The following PHACTR2 variants were observed in gnomAD, a reference collection of about 807,000 sequenced individuals.
The protein encoded by PHACTR2 is chromosome 6 open reading frame 56.
In PHACTR2, 30 loss-of-function variants were observed where a neutral mutation model predicts 76.0. That is an observed-to-expected ratio of 0.39 (90% CI 0.30 to 0.54). The LOEUF is 0.54. PHACTR2 is among the 20% of genes least tolerant of loss of function. The probability of loss-of-function intolerance (pLI) is 0.61; values close to 1 mark genes in which losing one functional copy is unlikely to be tolerated. For synonymous variants in PHACTR2, 292 were observed against 292.5 expected, an observed-to-expected ratio of 1.00 and a Z score of 0.02; for missense variants, 696 against 781.1, an observed-to-expected ratio of 0.89 and a Z score of 1.30.
In PHACTR2 at chr6:143,554,636, G is replaced by T. The variant is rs1345739852; in HGVS notation, c.217+17429G>T. 1 of 152,178 alleles carries T rather than the reference G, an allele frequency of 6.6e-6. No homozygotes were observed. The highest frequency in any genetic ancestry group is 1.5e-5 in the Non-Finnish European group (1 of 68,030). The allele number at this position is 152,178 out of a possible 1,614,324, so 9.4% of individuals were successfully genotyped here. A position where few individuals can be genotyped will look rare whatever the true frequency, so the allele number is the denominator to read the frequency against. Reference sequence around the variant, plus strand: ...ACTCGATTGAGGGTGGGAGTTCTCGGTAAACCAATTTAGCAGGGCTTTTGT... The same window carrying T: ...ACTCGATTGAGGGTGGGAGTTCTCGTTAAACCAATTTAGCAGGGCTTTTGT... On this transcript the variant is annotated intron_variant, in intron 1 of 11. Coordinates refer to the PHACTR2 transcript ENST00000367584. The surrounding 1 kb of genome is among the most constrained non-coding windows in gnomAD (Gnocchi z 5.9).
In PHACTR2 at chr6:143,700,705, AT is replaced by A. The variant is rs1219453276; in HGVS notation, c.47-11310del. 6.6e-6 allele frequency among the ~76,000 whole-genome samples: 1 copy of A among 152,232 alleles called. No individual in the cohort carries two copies. Among genetic ancestry groups the A allele is most frequent in the East Asian group, 1.9e-4 (1 of 5,202 alleles). On this transcript the variant is annotated intron_variant, in intron 1 of 12. Transcript: ENST00000440869. The surrounding 1 kb of genome is among the most constrained non-coding windows in gnomAD (Gnocchi z 4.1). ...TGAACAGGGTGATCATTATCCTATC[AT>A]GGATGAGTTGAAATTCTTTCACTTG...
In PHACTR2 at chr6:143,738,762, A is replaced by AAAAGAAAGAAAG. The variant is rs563556097; in HGVS notation, c.215-10211_215-10200dup. Among the ~76,000 whole-genome samples, 1 of 152,128 alleles carries AAAAGAAAGAAAG rather than the reference A, an allele frequency of 6.6e-6. No individual in the cohort carries two copies. The highest frequency in any genetic ancestry group is 2.4e-5 in the African/African-American group (1 of 41,436). On this transcript the variant is annotated intron_variant, in intron 2 of 12. Coordinates refer to ENST00000440869, the MANE Select transcript of PHACTR2 (RefSeq NM_001100164.2). This position sits in a 1 kb window ranked among gnomAD's most constrained non-coding sequence, Gnocchi z 4.0. ...TAGAGCAGGACCTTGTCTCAAAAAA[A>AAAAGAAAGAAAG]AAAGAAAGAAAGAAAGAAAGAAAAT...
rs910799632 is a variant in PHACTR2 at position 143,596,872 on chromosome 6, G to A, written c.217+59665G>A. Among the ~76,000 whole-genome samples, 5 of 152,086 alleles carry A rather than the reference G, an allele frequency of 3.3e-5. No homozygotes were observed. Among genetic ancestry groups the A allele is most frequent in the African/African-American group, 1.2e-4 (5 of 41,406 alleles). ...AAAAATAAAAATAAAAAGAATCATG[G>A]CGTCCAACTCTGGGGCTGTTGCTAG... On this transcript the variant is annotated intron_variant, in intron 1 of 11. Transcript: ENST00000367584. This position sits in a 1 kb window ranked among gnomAD's most constrained non-coding sequence, Gnocchi z 4.6.
intron 1 of PHACTR2, among the ~76,000 whole-genome samples, chr6:143,642,121 G>A (rs1776575417): frequency 1.3e-5 from 2 of 152,122 alleles, no homozygotes; most frequent in Non-Finnish European, 1.5e-5. Flanking sequence ...AACCCTAGAT[G>A]AGGTCAGGAT....
intron 1 of PHACTR2, among the ~76,000 whole-genome samples, chr6:143,544,773 G>C (rs540889751): frequency 1.3e-4 from 20 of 152,158 alleles, no homozygotes; most frequent in East Asian, 5.8e-4. Flanking sequence ...GTACACACTA[G>C]GTGCTCAGTA....
At chr6:143,640,209 A>G (rs1184043429) in intron 1 of PHACTR2, among the ~76,000 whole-genome samples, 2 of 152,232 alleles carry the variant, frequency 1.3e-5, no homozygotes, top group Non-Finnish European at 2.9e-5. Context: ...TAATGACAAC[A>G]AATGTCTATG....
intron 10 of PHACTR2, among the ~76,000 whole-genome samples, chr6:143,786,164 C>A (rs1346530050): frequency 6.6e-6 from 1 of 152,188 alleles, no homozygotes; most frequent in Non-Finnish European, 1.5e-5. Flanking sequence ...ACCCAAGTCA[C>A]CTTTTGAATG....
intron 2 of PHACTR2, among the ~76,000 whole-genome samples, chr6:143,721,698 G>A (rs1032995349): frequency 6.6e-6 from 1 of 151,854 alleles, no homozygotes; most frequent in Non-Finnish European, 1.5e-5. Context: ...ATTGTTACAT[G>A]ATCATCCTTC....
intron 4 of PHACTR2, among the ~76,000 whole-genome samples, chr6:143,759,347 C>T (rs1232712462): frequency 2.6e-5 from 4 of 152,024 alleles, no homozygotes; most frequent in African/African-American, 9.7e-5. Flanking sequence ...CTAGATGTAC[C>T]TATAGTTGTG....
At chr6:143,593,026 G>A (rs888628292) in intron 1 of PHACTR2, among the ~76,000 whole-genome samples, 1 of 131,178 alleles carries the variant, frequency 7.6e-6, no homozygotes, top group Non-Finnish European at 1.5e-5. Flanking sequence ...CGGCCTGGGT[G>A]ACAGAGCAAG....
At position 143,592,071 on chromosome 6, in the gene PHACTR2, G is replaced by T. The variant is rs1260842733; in HGVS notation, c.217+54864G>T. ...GACACAATGGGACAGACCTGGTGGT[G>T]CTCTGAGGAGTGGGTGCTTCAGGCC... On this transcript the variant is annotated intron_variant, in intron 1 of 11. Coordinates refer to the PHACTR2 transcript ENST00000367584. The surrounding 1 kb of genome is among the most constrained non-coding windows in gnomAD (Gnocchi z 4.0). Among the ~76,000 whole-genome samples the T allele has an allele frequency of 2.6e-5, 4 of 152,196 alleles. No individual in the cohort carries two copies. Among genetic ancestry groups the T allele is most frequent in the Non-Finnish European group, 5.9e-5 (4 of 68,022 alleles).
Position 143,808,619 on chromosome 6 carries a change from A to C in PHACTR2, c.1922+1486A>C, listed in dbSNP as rs193128660. On this transcript the variant is annotated intron_variant, in intron 12 of 12. Transcript: ENST00000440869. The stretch of plus-strand genomic sequence containing the variant: ...GTATGTAAATTCTACACCATTTTCT[A>C]TCAGGGACTTGAGGAATCCATGGAT... Among the ~76,000 whole-genome samples the C allele has an allele frequency of 8.0e-3, 1,218 of 152,280 alleles. 7 individuals carry two copies. The highest frequency in any genetic ancestry group is 0.013 in the Non-Finnish European group (900 of 68,022).
At chr6:143,779,922 A>ATAT (rs1463072649) in intron 9 of PHACTR2, among the ~76,000 whole-genome samples, 1 of 139,964 alleles carries the variant, frequency 7.1e-6, no homozygotes, top group Non-Finnish European at 1.6e-5. Context: ...ATATTATATT[A>ATAT]TATTATATTA....
At chr6:143,788,982 C>T in intron 11 of PHACTR2, 72 bp downstream of exon 11, 1 of 1,388,482 alleles carries the variant, frequency 7.2e-7, no homozygotes, top group Admixed American at 1.7e-5. Context: ...ATCCCCCCTA[C>T]TTAAGTCATC....
In PHACTR2 at chr6:143,764,342, A is replaced by T. The variant is rs1779505425; in HGVS notation, c.695-919A>T. Among the ~76,000 whole-genome samples, 1 of 152,030 alleles carries T rather than the reference A, an allele frequency of 6.6e-6. No individual in the cohort carries two copies. Among genetic ancestry groups the T allele is most frequent in the Non-Finnish European group, 1.5e-5 (1 of 67,998 alleles). ...CAAGACCAGCCTGGGCAACATGACA[A>T]AACCCTGTCTCAACAAAAATACATT... On this transcript the variant is annotated intron_variant, in intron 5 of 12. Coordinates refer to ENST00000440869, the MANE Select transcript of PHACTR2 (RefSeq NM_001100164.2). This position sits in a 1 kb window ranked among gnomAD's most constrained non-coding sequence, Gnocchi z 4.7.
rs1007194937 is a variant in PHACTR2 at position 143,549,018 on chromosome 6, G to A, written c.217+11811G>A. On this transcript the variant is annotated intron_variant, in intron 1 of 11. Transcript: ENST00000367584. This position sits in a 1 kb window ranked among gnomAD's most constrained non-coding sequence, Gnocchi z 4.2. ...GGCTTGAGGAGTATAAAGAGTACAG[G>A]GAAGAAGGCTTGGCCATGAAGACAG... Among the ~76,000 whole-genome samples the A allele has an allele frequency of 1.3e-5, 2 of 151,854 alleles. No individual in the cohort carries two copies. Among genetic ancestry groups the A allele is most frequent in the African/African-American group, 4.8e-5 (2 of 41,364 alleles).
In PHACTR2 at chr6:143,548,779, T is replaced by G. The variant is rs1775044627; in HGVS notation, c.217+11572T>G. On this transcript the variant is annotated intron_variant, in intron 1 of 11. Transcript: ENST00000367584. This position sits in a 1 kb window ranked among gnomAD's most constrained non-coding sequence, Gnocchi z 4.5. ...GTCACAGAGAAAAGCCTAATGTCTTTTAGGTAAGAAAGAAAGGAAAGAGTA... is the reference window on the plus strand; with the variant it reads ...GTCACAGAGAAAAGCCTAATGTCTTGTAGGTAAGAAAGAAAGGAAAGAGTA... Among the ~76,000 whole-genome samples the G allele has an allele frequency of 6.6e-6, 1 of 151,974 alleles. No homozygotes were observed.
intron 9 of PHACTR2, among the ~76,000 whole-genome samples, chr6:143,778,090 G>T (rs181748081): frequency 3.5e-4 from 53 of 152,352 alleles, no homozygotes; most frequent in Middle Eastern, 6.8e-3. Context: ...ACTGCAGTGA[G>T]TTAAGAAACG....
chr6:143,595,349 G>A lies in PHACTR2; in HGVS notation c.217+58142G>A, dbSNP rs1000871722. 6.6e-6 allele frequency among the ~76,000 whole-genome samples: 1 copy of A among 152,118 alleles called. No homozygotes were observed. Among genetic ancestry groups the A allele is most frequent in the South Asian group, 2.1e-4 (1 of 4,820 alleles). ...AAAGGTAACTTTATTTCCAGCATTC[G>A]ACCAAAATGCAGGGATTTGGGCCAC... On this transcript the variant is annotated intron_variant, in intron 1 of 11. Transcript: ENST00000367584. The surrounding 1 kb of genome is among the most constrained non-coding windows in gnomAD (Gnocchi z 4.2).
Sources: allele counts gnomAD v4.1 joint callset (sites outside exome capture counted in the v4.1 genomes callset), GRCh38; gene constraint gnomAD v4.1.1; non-coding constraint Gnocchi (gnomAD v3.1); transcripts MANE v1.5; gene names NCBI Gene and HGNC (gene_info 2026-07-23, HGNC 2026-07-21).